ARMH3: variants seen among roughly 807,000 people sequenced by gnomAD.
ARMH3 encodes the protein armadillo-like helical domain-containing protein 3.
A neutral mutation model predicts 99.1 loss-of-function variants in ARMH3; 60 were observed. The ratio of observed to expected loss-of-function variants is 0.61; its 90% CI spans 0.49 to 0.75. ARMH3 has a LOEUF of 0.75. Among genes scored for constraint, ARMH3 ranks in the 30% least tolerant of loss-of-function variants. The pLI, the probability that ARMH3 is intolerant of heterozygous loss-of-function variation, is 0.00. For synonymous variants in ARMH3, 285 were observed against 292.8 expected, an observed-to-expected ratio of 0.97 and a Z score of 0.27; for missense variants, 679 against 843.1, an observed-to-expected ratio of 0.81 and a Z score of 2.41.
At chr10:101,884,497 C>G (rs2067493117) in intron 24 of ARMH3, among the ~76,000 whole-genome samples, 1 of 152,188 alleles carries the variant, frequency 6.6e-6, no homozygotes, top group African/African-American at 2.4e-5. Context: ...AAGGAATAAA[C>G]TATGAGTAGT....
At chr10:102,023,419 G>C (rs1414479632) in intron 8 of ARMH3, 58 bp downstream of exon 8, 8 of 1,461,552 alleles carry the variant, frequency 5.5e-6, no homozygotes, top group East Asian at 2.3e-5. Flanking sequence ...CTTTAGGAGG[G>C]GCCGCATTTA....
chr10:101,867,054 C>G (rs775585760), intron 24 of ARMH3, among the ~76,000 whole-genome samples: 2 of 152,154 alleles, frequency 1.3e-5, no homozygotes, highest in African/African-American at 2.4e-5. Context: ...GGAACAGTAA[C>G]CCTGCTTTGT....
At chr10:102,040,827 T>G (rs1032177705) in intron 1 of ARMH3, among the ~76,000 whole-genome samples, 2 of 152,046 alleles carry the variant, frequency 1.3e-5, no homozygotes, top group African/African-American at 4.8e-5. Context: ...TGATCGAGCT[T>G]AGGACCATTA....
intron 23 of ARMH3, among the ~76,000 whole-genome samples, chr10:101,908,177 C>G (rs557841341): frequency 6.6e-6 from 1 of 152,300 alleles, no homozygotes; most frequent in Non-Finnish European, 1.5e-5. Context: ...GGTAGGGCTA[C>G]ATTTCACTTT....
intron 23 of ARMH3, among the ~76,000 whole-genome samples, chr10:101,908,926 G>A (rs959081750): frequency 6.6e-6 from 1 of 151,792 alleles, no homozygotes; most frequent in African/African-American, 2.4e-5. Context: ...GCCTCCCAAA[G>A]TGCTGGGATT....
chr10:101,865,415 T>C (rs1319614223), intron 24 of ARMH3, among the ~76,000 whole-genome samples: 2 of 152,014 alleles, frequency 1.3e-5, no homozygotes, highest in African/African-American at 2.4e-5. Flanking sequence ...CTGAGAGAAA[T>C]GTAAGCAAAC....
In ARMH3 at chr10:102,006,585, T is replaced by C. The variant is rs749776122; in HGVS notation, c.1003A>G (p.Thr335Ala). ...GTCCCAAGTGGTGTGACTGGGGTTG[T>C]AGGAGCAGGACTGACAGGGGTCGTC... ...LVTTPVSPAP[T>A]TPVTPLGTTP... The change falls in exon 14 of 26, where the codon ACA (threonine) becomes GCA (alanine). Residue 335 changes from threonine (T) to alanine (A), a missense_variant. Transcript: ENST00000370033. The C allele has an allele frequency of 3.7e-6, 6 of 1,614,042 alleles. 1 individual carries two copies. The highest frequency in any genetic ancestry group is 3.3e-4 in the Middle Eastern group (2 of 6,058).
chr10:101,912,473 AAG>A (rs1842909159), intron 23 of ARMH3, among the ~76,000 whole-genome samples: 1 of 152,166 alleles, frequency 6.6e-6, no homozygotes, highest in African/African-American at 2.4e-5. Context: ...GATACTAAAA[AAG>A]AGAAAAATTT....
intron 1 of ARMH3, among the ~76,000 whole-genome samples, chr10:102,048,808 C>T (rs1469030663): frequency 6.6e-6 from 1 of 152,136 alleles, no homozygotes; most frequent in East Asian, 1.9e-4. Context: ...CCTAAAAATT[C>T]CCTAGTTTCT....
At chr10:102,050,787 G>A (rs1360997820) in intron 1 of ARMH3, among the ~76,000 whole-genome samples, 1 of 150,768 alleles carries the variant, frequency 6.6e-6, no homozygotes, top group African/African-American at 2.4e-5. Flanking sequence ...AACCTGGGAG[G>A]TAGAGGTTGC....
intron 8 of ARMH3, among the ~76,000 whole-genome samples, chr10:102,014,464 A>G (rs761972226): frequency 7.9e-5 from 12 of 152,224 alleles, no homozygotes; most frequent in Non-Finnish European, 1.6e-4. Flanking sequence ...ATAAGTTGCT[A>G]ACTTATATTT....
intron 21 of ARMH3, among the ~76,000 whole-genome samples, chr10:101,957,149 G>A (rs529400763): frequency 2.6e-5 from 4 of 152,260 alleles, no homozygotes; most frequent in South Asian, 2.1e-4. Flanking sequence ...CAAATGCTAC[G>A]AATCAAGACT....
chr10:101,947,584 T>C (rs892459209), intron 22 of ARMH3, among the ~76,000 whole-genome samples: 2 of 152,062 alleles, frequency 1.3e-5, no homozygotes, highest in Non-Finnish European at 2.9e-5. Flanking sequence ...GCGGATCACC[T>C]GAGGTTGGGA....
chr10:102,003,703 T>C (rs1264566865), intron 14 of ARMH3, among the ~76,000 whole-genome samples: 2 of 152,238 alleles, frequency 1.3e-5, no homozygotes, highest in Non-Finnish European at 2.9e-5. Flanking sequence ...CCTCTGGAGT[T>C]ATTACGACAT....
At chr10:102,051,235 G>C (rs761398946) in intron 1 of ARMH3, among the ~76,000 whole-genome samples, 2 of 151,784 alleles carry the variant, frequency 1.3e-5, no homozygotes, top group African/African-American at 4.8e-5. Flanking sequence ...CACTTTGGGA[G>C]GCCAAGGCCG....
At chr10:102,040,223 T>C in intron 1 of ARMH3, 98 bp from the exon 2 acceptor site, 3 of 985,514 alleles carry the variant, frequency 3.0e-6, no homozygotes, top group East Asian at 2.4e-5. Context: ...CCATAGAATA[T>C]ACAACACCAA....
intron 17 of ARMH3, among the ~76,000 whole-genome samples, chr10:101,993,327 G>A (rs1846894262): frequency 6.6e-6 from 1 of 150,580 alleles, no homozygotes; most frequent in African/African-American, 2.4e-5. Context: ...TGCCACGCTT[G>A]TGAATCTTCC....
In ARMH3 at chr10:102,056,154, T is replaced by G. The variant is rs915909778; in HGVS notation, c.-81A>C. ...CGCTCGCTCTCGACGCCACCGACGC[T>G]GCCGCTGCTCCGGGCTCACGGGCGC... On this transcript the variant is annotated 5_prime_UTR_variant, in exon 1 of 26. Coordinates refer to ENST00000370033, the MANE Select transcript of ARMH3 (RefSeq NM_024541.3). 6.6e-6 allele frequency: 1 copy of G among 152,200 alleles called. No homozygotes were observed. Among genetic ancestry groups the G allele is most frequent in the Non-Finnish European group, 1.5e-5 (1 of 68,058 alleles). 9.4% of individuals were successfully genotyped at this position (152,200 alleles called of 1,614,324 possible).
intron 23 of ARMH3, among the ~76,000 whole-genome samples, chr10:101,908,664 CTTTTTTTTTTT>C (rs373262667): frequency 7.3e-6 from 1 of 137,360 alleles, no homozygotes; most frequent in South Asian, 2.3e-4. Context: ...TTTTCTTTTT[CTTTTTTTTTTT>C]TTTTTGAGAC....
Sources: allele counts gnomAD v4.1 joint callset (sites outside exome capture counted in the v4.1 genomes callset), GRCh38; gene constraint gnomAD v4.1.1; transcripts MANE v1.5; gene names NCBI Gene and HGNC (gene_info 2026-07-23, HGNC 2026-07-21).